The following KCNH8 variants were observed in gnomAD, a reference collection of about 807,000 sequenced individuals.
The protein encoded by KCNH8 is potassium voltage-gated channel subfamily H member 8.
Under a neutral mutation model 103.6 loss-of-function variants are expected in KCNH8, and 70 were observed. The observed-to-expected ratio is 0.68, with a 90% confidence interval of 0.56 to 0.82. The LOEUF is 0.82. Ranked by LOEUF, KCNH8 falls within the 40% of genes least tolerant of loss-of-function variation. The probability of loss-of-function intolerance (pLI) is 0.00; values close to 1 mark genes in which losing one functional copy is unlikely to be tolerated. For synonymous variants in KCNH8, 498 were observed against 489.4 expected, an observed-to-expected ratio of 1.02 and a Z score of -0.23; for missense variants, 1,217 against 1,329.9, an observed-to-expected ratio of 0.92 and a Z score of 1.32.
chr3:19,298,673 AGC>A (rs2065025122), intron 3 of KCNH8, among the ~76,000 whole-genome samples: 1 of 152,190 alleles, frequency 6.6e-6, no homozygotes, highest in Non-Finnish European at 1.5e-5. Context: ...CTGTAATCCC[AGC>A]ACTTTGGGAG....
chr3:19,530,290 C>G (rs1475893299), intron 15 of KCNH8, among the ~76,000 whole-genome samples: 2 of 152,062 alleles, frequency 1.3e-5, no homozygotes, highest in Non-Finnish European at 2.9e-5. Context: ...TTCAAAATAT[C>G]TAGAAGATCT....
intron 5 of KCNH8, among the ~76,000 whole-genome samples, chr3:19,383,602 C>T (rs1398271859): frequency 6.6e-6 from 1 of 152,196 alleles, no homozygotes; most frequent in African/African-American, 2.4e-5. Flanking sequence ...CAAACTCCTG[C>T]CCTCATGTGA....
intron 11 of KCNH8, among the ~76,000 whole-genome samples, chr3:19,500,421 C>T: frequency 6.6e-6 from 1 of 152,150 alleles, no homozygotes; most frequent in East Asian, 1.9e-4. Context: ...GAACTCAGCT[C>T]TGCACCAAGC....
chr3:19,504,760 AGT>A (rs1197491626), intron 11 of KCNH8, among the ~76,000 whole-genome samples: 1 of 152,160 alleles, frequency 6.6e-6, no homozygotes, highest in Non-Finnish European at 1.5e-5. Flanking sequence ...TGTGGAAAGC[AGT>A]GTGTCAATTC....
At chr3:19,321,379 G>A (rs2065347712) in intron 3 of KCNH8, among the ~76,000 whole-genome samples, 2 of 151,748 alleles carry the variant, frequency 1.3e-5, no homozygotes, top group South Asian at 4.1e-4. Context: ...TTGATACATT[G>A]TGTCACTATT....
At chr3:19,383,500 T>C (rs1016063654) in intron 5 of KCNH8, among the ~76,000 whole-genome samples, 1 of 151,978 alleles carries the variant, frequency 6.6e-6, no homozygotes, top group African/African-American at 2.4e-5. Context: ...GCCTCCCAAG[T>C]AGCTGGGACT....
At chr3:19,333,873 G>C (rs1575534672) in intron 3 of KCNH8, among the ~76,000 whole-genome samples, 2 of 152,028 alleles carry the variant, frequency 1.3e-5, no homozygotes, top group African/African-American at 4.8e-5. Flanking sequence ...AGTCATTTTT[G>C]TGTATCAGCA....
chr3:19,385,475 T>C (rs2066344287), intron 5 of KCNH8, among the ~76,000 whole-genome samples: 1 of 152,182 alleles, frequency 6.6e-6, no homozygotes, highest in Non-Finnish European at 1.5e-5. Flanking sequence ...ATCTACCTGA[T>C]TGCCCTTTGT....
At chr3:19,417,501 A>C (rs2066881980) in intron 7 of KCNH8, among the ~76,000 whole-genome samples, 1 of 152,094 alleles carries the variant, frequency 6.6e-6, no homozygotes, top group South Asian at 2.1e-4. Flanking sequence ...ACTTATAAGT[A>C]ATCTTATAAG....
At chr3:19,370,283 A>C (rs1397371838) in intron 5 of KCNH8, among the ~76,000 whole-genome samples, 2 of 152,032 alleles carry the variant, frequency 1.3e-5, no homozygotes, top group Non-Finnish European at 2.9e-5. Context: ...CTTTTAATAC[A>C]GAAACAGTTT....
At chr3:19,177,567 A>G (rs984615818) in intron 1 of KCNH8, among the ~76,000 whole-genome samples, 4 of 152,068 alleles carry the variant, frequency 2.6e-5, no homozygotes, top group African/African-American at 9.7e-5. Context: ...TATCTTTTAA[A>G]TATATACATA....
chr3:19,444,479 A>T (rs927275819), intron 8 of KCNH8, among the ~76,000 whole-genome samples: 1 of 152,006 alleles, frequency 6.6e-6, no homozygotes, highest in Non-Finnish European at 1.5e-5. Context: ...AAAACGCCCT[A>T]GCCTTAAAGG....
chr3:19,332,928 C>T (rs1020940593), intron 3 of KCNH8, among the ~76,000 whole-genome samples: 2 of 152,148 alleles, frequency 1.3e-5, no homozygotes, highest in Admixed American at 6.6e-5. Context: ...CCATTGAGCC[C>T]GGCATAGAGT....
chr3:19,272,159 AAGAC>A (rs1310595764), intron 2 of KCNH8, among the ~76,000 whole-genome samples: 1 of 151,988 alleles, frequency 6.6e-6, no homozygotes, highest in Non-Finnish European at 1.5e-5. Context: ...CCAGAAGAGA[AAGAC>A]TGATTGCTTC....
At chr3:19,308,595 A>AT (rs889308971) in intron 3 of KCNH8, among the ~76,000 whole-genome samples, 2 of 149,462 alleles carry the variant, frequency 1.3e-5, no homozygotes, top group African/African-American at 2.5e-5. Context: ...AAGTTACCAA[A>AT]TTTTTTTTTA....
chr3:19,250,771 T>C (rs1321154832), intron 1 of KCNH8, among the ~76,000 whole-genome samples: 1 of 152,208 alleles, frequency 6.6e-6, no homozygotes, highest in African/African-American at 2.4e-5. Flanking sequence ...TGATGTGTTT[T>C]AGTGTTATTT....
At chr3:19,267,489 A>G (rs1292352464) in intron 2 of KCNH8, among the ~76,000 whole-genome samples, 1 of 149,062 alleles carries the variant, frequency 6.7e-6, no homozygotes, top group African/African-American at 2.6e-5. Flanking sequence ...AGAAAAATGT[A>G]GTAAAAATTA....
chr3:19,163,149 T>A (rs1189552188), intron 1 of KCNH8, among the ~76,000 whole-genome samples: 1 of 151,736 alleles, frequency 6.6e-6, no homozygotes, highest in East Asian at 1.9e-4. Context: ...AAAAACATAG[T>A]CTTCAGAATA....
Position 19,227,733 on chromosome 3 carries a change from C to T in KCNH8, c.77-25921C>T, listed in dbSNP as rs550270441. ...CAGTATCTGTTATGCACCATGTGGT[C>T]GCAGCAATTGTGAAGTATAGATAAT... On this transcript the variant is annotated intron_variant, in intron 1 of 15. Transcript: ENST00000328405. Among the ~76,000 whole-genome samples the T allele has an allele frequency of 1.1e-3, 169 of 152,186 alleles. 1 individual carries two copies. The highest frequency in any genetic ancestry group is 3.4e-3 in the African/African-American group (142 of 41,532).
Sources: allele counts gnomAD v4.1 joint callset (sites outside exome capture counted in the v4.1 genomes callset), GRCh38; gene constraint gnomAD v4.1.1; transcripts MANE v1.5; gene names NCBI Gene and HGNC (gene_info 2026-07-23, HGNC 2026-07-21).